Variants in CDK8 observed in about 807,000 individuals in gnomAD.
The protein encoded by CDK8 is cyclin dependent kinase 8.
In CDK8, 29 loss-of-function variants were observed where a neutral mutation model predicts 71.5. The ratio of observed to expected loss-of-function variants is 0.41; its 90% CI spans 0.30 to 0.55. CDK8 has a LOEUF of 0.55. Among genes scored for constraint, CDK8 ranks in the 20% least tolerant of loss-of-function variants. The pLI, the probability that CDK8 is intolerant of heterozygous loss-of-function variation, is 0.37. For synonymous variants in CDK8, 161 were observed against 192.1 expected (o/e 0.84, Z 1.34); for missense variants, 288 against 572.6 (o/e 0.50, Z 5.07).
chr13:26,289,051 G>GTTTTTTT (rs5802371), intron 1 of CDK8, among the ~76,000 whole-genome samples: 1 of 56,250 alleles, frequency 1.8e-5, no homozygotes, highest in African/African-American at 6.0e-5. Flanking sequence ...AGCTTCTGTA[G>GTTTTTTT]TTTTTTTTTT....
intron 1 of CDK8, among the ~76,000 whole-genome samples, chr13:26,293,813 A>G (rs9553783): frequency 0.41 from 62,079 of 151,702 alleles, 14,404 homozygotes; most frequent in Non-Finnish European, 0.52. Flanking sequence ...CTACTCTGCA[A>G]TTTTCAAGTA....
chr13:26,390,089 C>T (rs970430419), intron 6 of CDK8, among the ~76,000 whole-genome samples: 1 of 152,154 alleles, frequency 6.6e-6, no homozygotes, highest in Non-Finnish European at 1.5e-5. Flanking sequence ...CCCATTCCTC[C>T]TGTCTCCTGC....
intron 8 of CDK8, among the ~76,000 whole-genome samples, chr13:26,396,903 A>T (rs1358407132): frequency 6.6e-6 from 1 of 152,120 alleles, no homozygotes; most frequent in Non-Finnish European, 1.5e-5. Flanking sequence ...ATGTGAAAAA[A>T]AAAGCTGTTT....
At chr13:26,380,730 C>G (rs746607133) in intron 4 of CDK8, among the ~76,000 whole-genome samples, 1 of 152,214 alleles carries the variant, frequency 6.6e-6, no homozygotes, top group African/African-American at 2.4e-5. Context: ...GCCCTGCTGC[C>G]TCATCCTCCC....
intron 1 of CDK8, among the ~76,000 whole-genome samples, chr13:26,264,312 G>T (rs1314319467): frequency 4.0e-5 from 6 of 151,596 alleles, no homozygotes; most frequent in East Asian, 1.9e-4. Context: ...TTGAGACAGG[G>T]TCTCACTCTG....
chr13:26,301,679 G>A (rs1873831619), intron 1 of CDK8, among the ~76,000 whole-genome samples: 1 of 152,164 alleles, frequency 6.6e-6, no homozygotes, highest in Non-Finnish European at 1.5e-5. Flanking sequence ...TTCTCCCTGT[G>A]AGTTTAAGGA....
chr13:26,295,740 T>C (rs992931395), intron 1 of CDK8, among the ~76,000 whole-genome samples: 4 of 152,152 alleles, frequency 2.6e-5, no homozygotes, highest in Admixed American at 6.5e-5. Flanking sequence ...ATATAGATAG[T>C]ATGTGATTGT....
chr13:26,291,610 A>G (rs1873304280), intron 1 of CDK8, among the ~76,000 whole-genome samples: 1 of 152,208 alleles, frequency 6.6e-6, no homozygotes, highest in African/African-American at 2.4e-5. Context: ...GATTACAAGA[A>G]GCAAGGACTT....
intron 4 of CDK8, among the ~76,000 whole-genome samples, chr13:26,362,994 T>G (rs1593289595): frequency 4.6e-4 from 2 of 4,318 alleles, no homozygotes; most frequent in East Asian, 0.053. Flanking sequence ...TTCATTGTAG[T>G]TTTTTTTTTT....
intron 1 of CDK8, among the ~76,000 whole-genome samples, chr13:26,281,827 A>G (rs920489092): frequency 6.6e-6 from 1 of 152,106 alleles, no homozygotes; most frequent in Non-Finnish European, 1.5e-5. Context: ...ATTCTAGAGA[A>G]TAAATAAATA....
intron 7 of CDK8, among the ~76,000 whole-genome samples, chr13:26,394,259 C>G (rs1225919786): frequency 6.6e-6 from 1 of 152,146 alleles, no homozygotes; most frequent in Non-Finnish European, 1.5e-5. Flanking sequence ...TCTCAGGTCA[C>G]TATAAACTCA....
At chr13:26,337,805 A>G (rs895588677) in intron 2 of CDK8, among the ~76,000 whole-genome samples, 163 bp downstream of exon 2, 4 of 152,086 alleles carry the variant, frequency 2.6e-5, no homozygotes, top group Non-Finnish European at 4.4e-5. Context: ...TAAAGGGGTC[A>G]TGTAGTTCTG....
intron 1 of CDK8, among the ~76,000 whole-genome samples, chr13:26,277,291 A>G (rs1174521297): frequency 1.3e-5 from 2 of 152,300 alleles, no homozygotes; most frequent in East Asian, 3.9e-4. Context: ...TAAGTATTGT[A>G]TTAATAAATA....
chr13:26,282,536 C>T (rs1054128759), intron 1 of CDK8, among the ~76,000 whole-genome samples: 1 of 152,166 alleles, frequency 6.6e-6, no homozygotes, highest in Non-Finnish European at 1.5e-5. Flanking sequence ...ACCATCACCA[C>T]ACCAGCACTA....
chr13:26,355,913 T>C (rs1873877435), intron 4 of CDK8, among the ~76,000 whole-genome samples: 1 of 152,188 alleles, frequency 6.6e-6, no homozygotes, highest in Non-Finnish European at 1.5e-5. Flanking sequence ...GACTGGTTTT[T>C]AAAACCAATA....
intron 6 of CDK8, among the ~76,000 whole-genome samples, chr13:26,391,283 T>A (rs965413670): frequency 6.6e-6 from 1 of 152,134 alleles, no homozygotes; most frequent in African/African-American, 2.4e-5. Flanking sequence ...TGCATACATT[T>A]TTTCTGTGAA....
chr13:26,366,417 A>G (rs1267027546), intron 4 of CDK8, among the ~76,000 whole-genome samples: 1 of 152,118 alleles, frequency 6.6e-6, no homozygotes, highest in Non-Finnish European at 1.5e-5. Flanking sequence ...AGTTTCCTCA[A>G]TATAATTAGA....
intron 1 of CDK8, among the ~76,000 whole-genome samples, chr13:26,333,063 A>G (rs1310023171): frequency 6.6e-6 from 1 of 152,134 alleles, no homozygotes; most frequent in Non-Finnish European, 1.5e-5. Flanking sequence ...TCCTCAAGGG[A>G]GAAAAGGTAT....
At chr13:26,282,970 C>T (rs1272085063) in intron 1 of CDK8, among the ~76,000 whole-genome samples, 1 of 152,162 alleles carries the variant, frequency 6.6e-6, no homozygotes, top group Non-Finnish European at 1.5e-5. Flanking sequence ...CAAAGAAGGA[C>T]ATTATATAAT....
Sources: gnomAD v4.1 joint callset for allele counts (sites outside exome capture counted in the v4.1 genomes callset) on GRCh38, gnomAD v4.1.1 for gene constraint, MANE v1.5 for transcripts, NCBI Gene and HGNC (gene_info 2026-07-23, HGNC 2026-07-21) for gene names.